The following NOS3 variants were observed in gnomAD, a reference collection of about 807,000 sequenced individuals.
The protein encoded by NOS3 is nitric oxide synthase 3.
NOS3 carries 98 observed loss-of-function variants against 144.9 expected under a neutral mutation model. That is an observed-to-expected ratio of 0.68 (90% CI 0.57 to 0.80). NOS3 has a LOEUF of 0.80. Among genes scored for constraint, NOS3 ranks in the 30% least tolerant of loss-of-function variants. The pLI is 0.00. For missense variants in NOS3, 1,465 were observed against 1,656.4 expected (o/e 0.88, Z 2.01); for synonymous variants, 714 against 702.4 (o/e 1.02, Z -0.26).
At chr7:151,013,201 G>C in intron 24 of NOS3, 30 bp from the exon 25 acceptor site, 1 of 1,599,902 alleles carries the variant, frequency 6.3e-7, no homozygotes, top group Non-Finnish European at 8.5e-7. Context: ...CCCCGGAGAA[G>C]AGCCTTCCCA....
rs1584910536 is a variant in NOS3, at chr7:151,008,933, G to A, written c.2116G>A (p.Ala706Thr). ...CCCTCACCGGCCTGTCCCGCAGGCCGCCTGTGAGACCTTCTGTGTGGGAGA... is the reference window on the plus strand; with the variant it reads ...CCCTCACCGGCCTGTCCCGCAGGCCACCTGTGAGACCTTCTGTGTGGGAGA... The part of the protein sequence containing the change: ...RGWAQAAFQA[A>T]CETFCVGEDA... The change falls in exon 18 of 27, where the codon GCC (alanine) becomes ACC (threonine). Residue 706 changes from alanine to threonine, a missense_variant. Ala to Thr is a moderately conservative substitution (Grantham distance 58). Around this residue, in one of 5 missense-constraint regions of NOS3, gnomAD observed 745 missense variants for 853.9 expected, o/e 0.87. Transcript: ENST00000297494. 3 of 1,608,136 alleles carry A rather than the reference G, an allele frequency of 1.9e-6. No homozygotes were observed. Among genetic ancestry groups the A allele is most frequent in the African/African-American group, 2.7e-5 (2 of 74,992 alleles).
chr7:151,001,263 C>A lies in NOS3; in HGVS notation c.1266C>A (p.Ala422=). ...LAKVTIVDHH[A]ATASFMKHLE... ...AAGTCACCATCGTGGACCACCACGCCGCCACGGCCTCTTTCATGAAGCACC... is the reference window on the plus strand; with the variant it reads ...AAGTCACCATCGTGGACCACCACGCAGCCACGGCCTCTTTCATGAAGCACC... Residue 422 remains alanine, a synonymous_variant, in exon 11 of 27, where the codon GCC becomes GCA. Transcript: ENST00000297494. The A allele has an allele frequency of 6.2e-7, 1 of 1,613,742 alleles. No individual in the cohort carries two copies. The highest frequency in any genetic ancestry group is 8.5e-7 in the Non-Finnish European group (1 of 1,179,964).
At chr7:151,013,631 G>A (rs1213074746) in intron 25 of NOS3, 93 bp from the exon 26 acceptor site, 2 of 1,109,392 alleles carry the variant, frequency 1.8e-6, no homozygotes, top group South Asian at 1.5e-5. Flanking sequence ...GGCCCGCTCC[G>A]GAGACTTTCA....
chr7:150,998,267 G>A lies in NOS3; in HGVS notation c.583-90G>A. On this transcript the variant is annotated intron_variant, in intron 5 of 26. Transcript: ENST00000297494. This position sits in a 1 kb window ranked among gnomAD's most constrained non-coding sequence, Gnocchi z 5.0. ...CGCCATGGAGTGAACCATGGCCCCT[G>A]CCTCCTCACCAGCAGCTCCTCTGGA... 8.6e-7 allele frequency: 1 copy of A among 1,167,438 alleles called. No homozygotes were observed. Among genetic ancestry groups the A allele is most frequent in the Middle Eastern group, 1.9e-4 (1 of 5,168 alleles). The allele number at this position is 1,167,438 out of a possible 1,614,324, so 72.3% of individuals were successfully genotyped here. A position where few individuals can be genotyped will look rare whatever the true frequency, so the allele number is the denominator to read the frequency against.
chr7:151,010,419 A>C, intron 21 of NOS3, 132 bp downstream of exon 21: 2 of 1,060,420 alleles, frequency 1.9e-6, no homozygotes, highest in Non-Finnish European at 2.7e-6. Flanking sequence ...CTGGTGCTTT[A>C]AGACCCAGCT....
At chr7:151,009,142 C>T (rs1333975718) in intron 18 of NOS3, 47 bp from the exon 19 acceptor site, 1 of 1,612,972 alleles carries the variant, frequency 6.2e-7, no homozygotes, top group Non-Finnish European at 8.5e-7. Context: ...GGGGCCAGGC[C>T]CTGCTCCCTA....
At position 150,993,722 on chromosome 7, in the gene NOS3, C is replaced by T; in HGVS notation, c.-51-31C>T. ...CACTGGAGAGCCCCCTCCCACTGCC[C>T]CCTCCTCTCGGTCCCCTCCCTCTTC... On this transcript the variant is annotated intron_variant, in intron 1 of 26. Coordinates refer to ENST00000297494, the MANE Select transcript of NOS3 (RefSeq NM_000603.5). The surrounding 1 kb of genome is among the most constrained non-coding windows in gnomAD (Gnocchi z 4.0). The T allele has an allele frequency of 2.1e-6, 3 of 1,432,460 alleles. No homozygotes were observed. The highest frequency in any genetic ancestry group is 2.8e-6 in the Non-Finnish European group (3 of 1,062,352). 88.7% of individuals were successfully genotyped at this position (1,432,460 alleles called of 1,614,324 possible).
In NOS3 at chr7:151,007,197, G is replaced by A. The variant is rs757884791; in HGVS notation, c.2033G>A (p.Arg678Gln). 7 of 1,612,554 alleles carry A rather than the reference G, an allele frequency of 4.3e-6. No homozygotes were observed. Among genetic ancestry groups the A allele is most frequent in the South Asian group, 2.2e-5 (2 of 91,056 alleles). Residue 678 changes from arginine (R) to glutamine (Q), a missense_variant, in exon 17 of 27, where the codon CGG (arginine) becomes CAG (glutamine). Arg to Gln is a conservative substitution (Grantham distance 43, BLOSUM62 1). This residue lies in a region of NOS3 where 745 missense variants were observed against 853.9 expected (regional missense o/e 0.87). Transcript: ENST00000297494. ...CGGCTGGAGGAACTGGGCGGGGAGC[G>A]GCTGCTGCAGCTGGGCCAGGGCGAC... ...DTRLEELGGE[R>Q]LLQLGQGDEL... is the part of the protein sequence containing the mutation.
Position 151,013,792 on chromosome 7 carries a change from G to T in NOS3, c.3324G>T (p.Arg1108=). 1 of 1,611,242 alleles carries T rather than the reference G, an allele frequency of 6.2e-7. No homozygotes were observed. The highest frequency in any genetic ancestry group is 8.5e-7 in the Non-Finnish European group (1 of 1,179,234). Residue 1108 remains arginine (R), a synonymous_variant, in exon 26 of 27, where the codon CGG becomes CGT. Transcript: ENST00000297494. ...TGCACCGCGTGCTGTGCCTCGAGCGGGGCCACATGTTTGTCTGCGGCGATG... is the reference window on the plus strand; with the variant it reads ...TGCACCGCGTGCTGTGCCTCGAGCGTGGCCACATGTTTGTCTGCGGCGATG... The part of the protein sequence containing the change: ...AEVHRVLCLE[R]GHMFVCGDVT...
chr7:151,007,451 C>T (rs984895420), intron 17 of NOS3, among the ~76,000 whole-genome samples, 175 bp downstream of exon 17: 1 of 152,224 alleles, frequency 6.6e-6, no homozygotes, highest in Non-Finnish European at 1.5e-5. Flanking sequence ...ATGACATGGC[C>T]CTGCCGACCA....
chr7:151,014,191 C>T lies in NOS3; in HGVS notation c.*22C>T. 1 of 1,586,658 alleles carries T rather than the reference C, an allele frequency of 6.3e-7. No individual in the cohort carries two copies. Among genetic ancestry groups the T allele is most frequent in the South Asian group, 1.1e-5 (1 of 89,890 alleles). ...CTGAGAGCCGCCTGGCTTTCCCTTC[C>T]AGTTCCGGGAGAGCGGCTGCCCGAC... is the stretch of plus-strand genomic sequence containing the variant. On this transcript the variant is annotated 3_prime_UTR_variant, in exon 27 of 27. Coordinates refer to ENST00000297494, the MANE Select transcript of NOS3 (RefSeq NM_000603.5).
chr7:150,997,639 C>T (rs909829623), intron 5 of NOS3, among the ~76,000 whole-genome samples: 52 of 152,200 alleles, frequency 3.4e-4, no homozygotes, highest in Non-Finnish European at 3.4e-4. Context: ...AATAAAGCCA[C>T]GTGCCCAGTG....
intron 17 of NOS3, among the ~76,000 whole-genome samples, chr7:151,008,085 A>G (rs1006440798): frequency 6.6e-6 from 1 of 152,098 alleles, no homozygotes; most frequent in Non-Finnish European, 1.5e-5. Flanking sequence ...AAACAAAAAG[A>G]GCCATTGCAG....
chr7:151,003,737 T>C lies in NOS3; in HGVS notation c.1752+1433T>C. The C allele has an allele frequency of 2.1e-6, 1 of 481,020 alleles. No individual in the cohort carries two copies. Among genetic ancestry groups the C allele is most frequent in the African/African-American group, 2.0e-5 (1 of 50,102 alleles). 29.8% of individuals were successfully genotyped at this position (481,020 alleles called of 1,614,324 possible). ...ACGGCACCTAGATGGAAGCACGCAG[T>C]GTTGCGGCGTCTCCTGCTGAGGCTG... On this transcript the variant is annotated intron_variant, in intron 14 of 26. Coordinates refer to ENST00000297494, the MANE Select transcript of NOS3 (RefSeq NM_000603.5). This position sits in a 1 kb window ranked among gnomAD's most constrained non-coding sequence, Gnocchi z 4.1.
intron 14 of NOS3, among the ~76,000 whole-genome samples, chr7:151,005,822 G>A (rs1408221697): frequency 6.6e-6 from 1 of 152,206 alleles, no homozygotes; most frequent in Non-Finnish European, 1.5e-5. Flanking sequence ...GAGCCCAGGA[G>A]TTCAAGGCCA....
Position 151,010,664 on chromosome 7 carries a change from TC to T in NOS3, c.2756del (p.Pro919ArgfsTer39). The T allele has an allele frequency of 6.2e-7, 1 of 1,608,180 alleles. No individual in the cohort carries two copies. The highest frequency in any genetic ancestry group is 8.5e-7 in the Non-Finnish European group (1 of 1,177,710). ...CPTLLEVLEQFPSVALPAPLL... is the reference protein window; with the variant it reads ...CPTLLEVLEQXPSVALPAPLL... Reference sequence around the variant, plus strand: ...ACGCTGCTGGAGGTGCTGGAGCAGTTCCCGTCGGTGGCGCTGCCTGCCCCAC... The same window carrying T: ...ACGCTGCTGGAGGTGCTGGAGCAGTTCCGTCGGTGGCGCTGCCTGCCCCAC... On this transcript the variant is annotated frameshift_variant, in exon 22 of 27. Coordinates refer to ENST00000297494, the MANE Select transcript of NOS3 (RefSeq NM_000603.5). LOFTEE classifies it high-confidence loss of function.
Position 150,998,501 on chromosome 7 carries a change from G to C in NOS3, c.675-38G>C, listed in dbSNP as rs749274982. 1.9e-6 allele frequency: 3 copies of C among 1,611,160 alleles called. No homozygotes were observed. Among genetic ancestry groups the C allele is most frequent in the Non-Finnish European group, 2.5e-6 (3 of 1,179,322 alleles). The stretch of plus-strand genomic sequence containing the variant: ...CAGCCTTCTTCCCCAAGGCAGGGAA[G>C]GCGGGGCTCTGACCAGCTCTTTCCC... On this transcript the variant is annotated intron_variant, in intron 6 of 26. Coordinates refer to ENST00000297494, the MANE Select transcript of NOS3 (RefSeq NM_000603.5). The surrounding 1 kb of genome is among the most constrained non-coding windows in gnomAD (Gnocchi z 5.0).
In NOS3 at chr7:151,010,757, A is replaced by C; in HGVS notation, c.2846A>C (p.His949Pro). 6.2e-7 allele frequency: 1 copy of C among 1,613,352 alleles called. No homozygotes were observed. Among genetic ancestry groups the C allele is most frequent in the Non-Finnish European group, 8.5e-7 (1 of 1,179,748 alleles). The change falls in exon 22 of 27, where the codon CAC (histidine) becomes CCC (proline). Residue 949 changes from histidine (H) to proline (P), a missense_variant. By Grantham distance (77) the His-to-Pro change is moderately conservative. Transcript: ENST00000297494. The part of the protein sequence containing the change: ...YYSVSSAPST[H>P]PGEIHLTVAV... ...TCAGTCAGCTCGGCACCCAGCACCCACCCAGGAGAGATCCACCTCACTGTA... is the reference window on the plus strand; with the variant it reads ...TCAGTCAGCTCGGCACCCAGCACCCCCCCAGGAGAGATCCACCTCACTGTA...
intron 20 of NOS3, 111 bp from the exon 21 acceptor site, chr7:151,010,003 AC>A (rs1305027510): frequency 4.2e-6 from 3 of 713,262 alleles, no homozygotes; most frequent in Admixed American, 2.5e-5. Flanking sequence ...AGACAGGCCG[AC>A]CCCGCTGCTC....
Sources: gnomAD v4.1 joint callset for allele counts (sites outside exome capture counted in the v4.1 genomes callset) on GRCh38, gnomAD v4.1.1 for gene constraint, gnomAD v4.1.1 regional missense constraint, Gnocchi (gnomAD v3.1) non-coding constraint, MANE v1.5 for transcripts, NCBI Gene and HGNC (gene_info 2026-07-23, HGNC 2026-07-21) for gene names.